HS6ST2: variants seen among roughly 807,000 people sequenced by gnomAD.
HS6ST2 encodes heparan sulfate 6-O-sulfotransferase 2.
HS6ST2 carries 17 observed loss-of-function variants against 33.0 expected under a neutral mutation model. The observed-to-expected ratio is 0.52, with a 90% CI of 0.35 to 0.77. The LOEUF (loss-of-function observed/expected upper bound fraction) is 0.77, where lower values mean the gene tolerates loss of function less well. HS6ST2 is among the 30% of genes least tolerant of loss of function. The pLI is 0.01. For synonymous variants in HS6ST2, 248 were observed against 237.1 expected (o/e 1.05, Z -0.42); for missense variants, 519 against 551.7 (o/e 0.94, Z 0.59).
At chrX:132,630,961 C>T (rs1369391917) in intron 4 of HS6ST2, among the ~76,000 whole-genome samples, 1 of 111,249 alleles carries the variant, frequency 9.0e-6, no homozygotes, top group Non-Finnish European at 1.9e-5. Flanking sequence ...CCACTGCCTC[C>T]CCCAAAAATG....
chrX:132,803,199 C>A (rs147354870), intron 2 of HS6ST2, among the ~76,000 whole-genome samples: 1,405 of 111,598 alleles, frequency 0.013, 22 homozygotes, highest in African/African-American at 0.044. Flanking sequence ...AGAGCTTCTT[C>A]ACTTACTTTT....
At chrX:132,903,143 T>A (rs2066440426) in intron 2 of HS6ST2, among the ~76,000 whole-genome samples, 1 of 111,985 alleles carries the variant, frequency 8.9e-6, no homozygotes, top group African/African-American at 3.2e-5. Flanking sequence ...TATATCTATA[T>A]AGTAGCAATG....
intron 2 of HS6ST2, among the ~76,000 whole-genome samples, chrX:132,940,892 A>G (rs2066879790): frequency 8.9e-6 from 1 of 111,818 alleles, no homozygotes; most frequent in African/African-American, 3.3e-5. Context: ...TTGTGGTCGC[A>G]GGTTTGTTTG....
chrX:132,802,462 G>A (rs1013445751), intron 2 of HS6ST2, among the ~76,000 whole-genome samples: 3 of 111,415 alleles, frequency 2.7e-5, no homozygotes, highest in Non-Finnish European at 3.8e-5. Flanking sequence ...TTTCAGTTTC[G>A]CAGATGAAGG....
chrX:132,809,291 G>A (rs193164050), intron 2 of HS6ST2, among the ~76,000 whole-genome samples: 93 of 112,204 alleles, frequency 8.3e-4, no homozygotes, highest in African/African-American at 2.9e-3. Flanking sequence ...GCCCGGCCCT[G>A]GCATTCATTT....
At chrX:132,896,191 C>T (rs1329481198) in intron 2 of HS6ST2, among the ~76,000 whole-genome samples, 1 of 110,772 alleles carries the variant, frequency 9.0e-6, no homozygotes, top group Non-Finnish European at 1.9e-5. Context: ...AAAGAATGAG[C>T]CGGGAGTGTT....
chrX:132,727,279 T>TATTC (rs34209607), intron 2 of HS6ST2, among the ~76,000 whole-genome samples: 1 of 107,720 alleles, frequency 9.3e-6, no homozygotes, highest in Non-Finnish European at 1.9e-5. Flanking sequence ...GTCACAAACA[T>TATTC]ATTCATTCAT....
At chrX:132,634,457 C>G (rs1046312594) in intron 4 of HS6ST2, among the ~76,000 whole-genome samples, 7 of 111,893 alleles carry the variant, frequency 6.3e-5, no homozygotes, top group African/African-American at 2.3e-4. Flanking sequence ...TAAATTGGAG[C>G]CATGACTCCC....
chrX:132,933,209 T>A (rs2066793053), intron 2 of HS6ST2, among the ~76,000 whole-genome samples: 1 of 109,523 alleles, frequency 9.1e-6, no homozygotes, highest in African/African-American at 3.3e-5. Flanking sequence ...GCGTCTGTAA[T>A]CCCAGCTATT....
At chrX:132,660,159 AG>A (rs1447268303) in intron 4 of HS6ST2, among the ~76,000 whole-genome samples, 1 of 111,882 alleles carries the variant, frequency 8.9e-6, no homozygotes, top group African/African-American at 3.2e-5. Context: ...AATGGGCATA[AG>A]GACAGGGAAT....
chrX:132,883,302 C>T (rs1311724659), intron 2 of HS6ST2, among the ~76,000 whole-genome samples: 2 of 111,317 alleles, frequency 1.8e-5, no homozygotes, highest in African/African-American at 6.5e-5. Flanking sequence ...GCCTCAATTT[C>T]AGAGCCTGTT....
chrX:132,715,371 G>A (rs1008039254), intron 2 of HS6ST2, among the ~76,000 whole-genome samples: 4 of 112,240 alleles, frequency 3.6e-5, no homozygotes, highest in African/African-American at 1.3e-4. Context: ...AGGAGTTCAA[G>A]GCTGCAGTGA....
intron 2 of HS6ST2, among the ~76,000 whole-genome samples, chrX:132,852,317 C>T (rs768088566): frequency 9.8e-5 from 11 of 111,827 alleles, no homozygotes; most frequent in African/African-American, 2.6e-4. Flanking sequence ...TGATATTACA[C>T]GCTGTATAAA....
chrX:132,841,346 T>C (rs2065705390), intron 2 of HS6ST2, among the ~76,000 whole-genome samples: 1 of 111,511 alleles, frequency 9.0e-6, no homozygotes, highest in Non-Finnish European at 1.9e-5. Flanking sequence ...ACAAATACTC[T>C]TCTAGTACCT....
intron 3 of HS6ST2, among the ~76,000 whole-genome samples, chrX:132,687,319 G>T (rs749360592): frequency 1.8e-5 from 2 of 111,035 alleles, no homozygotes; most frequent in African/African-American, 3.3e-5. Flanking sequence ...GAGAAGGCAG[G>T]ATAATAAAAA....
intron 2 of HS6ST2, among the ~76,000 whole-genome samples, chrX:132,948,805 T>A (rs1202596239): frequency 8.9e-6 from 1 of 112,324 alleles, no homozygotes; most frequent in Non-Finnish European, 1.9e-5. Flanking sequence ...GAAATTCCCA[T>A]CCATACATCT....
chrX:132,863,697 C>T (rs1442080601), intron 2 of HS6ST2, among the ~76,000 whole-genome samples: 1 of 110,933 alleles, frequency 9.0e-6, no homozygotes, highest in Non-Finnish European at 1.9e-5. Flanking sequence ...AATTGAGGAT[C>T]AGCAAAGTAA....
At chrX:132,956,186 A>G (rs1038048732) in intron 2 of HS6ST2, among the ~76,000 whole-genome samples, 1 of 111,967 alleles carries the variant, frequency 8.9e-6, no homozygotes, top group Non-Finnish European at 1.9e-5. Flanking sequence ...GCGAGGTGAT[A>G]AAAGTCCGGC....
intron 2 of HS6ST2, among the ~76,000 whole-genome samples, chrX:132,949,505 G>C (rs2066988857): frequency 9.1e-6 from 1 of 110,328 alleles, no homozygotes; most frequent in Non-Finnish European, 1.9e-5. Flanking sequence ...AAAATCAGCA[G>C]CCAATGTCTG....
Sources: gnomAD v4.1 joint callset for allele counts (sites outside exome capture counted in the v4.1 genomes callset) on GRCh38, gnomAD v4.1.1 for gene constraint, MANE v1.5 for transcripts, NCBI Gene and HGNC (gene_info 2026-07-23, HGNC 2026-07-21) for gene names.